PCOLCE2: variants seen among roughly 807,000 people sequenced by gnomAD.
PCOLCE2 encodes the protein procollagen C-endopeptidase enhancer 2, also known as procollagen C-proteinase enhancer 2.
PCOLCE2 carries 42 observed loss-of-function variants against 47.0 expected under a neutral mutation model. The ratio of observed to expected loss-of-function variants is 0.89; its 90% CI spans 0.70 to 1.16. The LOEUF is 1.16. Ranked by LOEUF, PCOLCE2 falls within the 50% of genes most tolerant of loss-of-function variation. PCOLCE2 has a pLI of 0.00. For synonymous variants in PCOLCE2, 169 were observed against 191.7 expected, an observed-to-expected ratio of 0.88 and a Z score of 0.98; for missense variants, 500 against 526.1, an observed-to-expected ratio of 0.95 and a Z score of 0.49.
chr3:142,856,524 C>T (rs1276380556), intron 2 of PCOLCE2, among the ~76,000 whole-genome samples: 1 of 152,162 alleles, frequency 6.6e-6, no homozygotes, highest in South Asian at 2.1e-4. Flanking sequence ...CGAACAGGCC[C>T]TTCGGCATTG....
chr3:142,830,305 T>C (rs935830477), intron 5 of PCOLCE2, among the ~76,000 whole-genome samples: 1 of 152,240 alleles, frequency 6.6e-6, no homozygotes, highest in Non-Finnish European at 1.5e-5. Flanking sequence ...GCGTTCAAGC[T>C]GGCCTGGGTT....
At chr3:142,879,686 T>C (rs1933564389) in intron 2 of PCOLCE2, among the ~76,000 whole-genome samples, 1 of 152,214 alleles carries the variant, frequency 6.6e-6, no homozygotes, top group Admixed American at 6.5e-5. Flanking sequence ...TTGTAAAGTT[T>C]TGGCCGGGCA....
At position 142,889,047 on chromosome 3, in the gene PCOLCE2, G is replaced by C; in HGVS notation, c.-151C>G. 2.7e-6 allele frequency: 1 copy of C among 364,180 alleles called. No homozygotes were observed. 22.6% of individuals were successfully genotyped at this position (364,180 alleles called of 1,614,324 possible). On this transcript the variant is annotated 5_prime_UTR_variant, in exon 1 of 9. Transcript: ENST00000295992. ...TGCCCGCGCGCTCCCTCTCACGCGC[G>C]CACCGCCGCGGGGCGGCCCAGGTAG...
chr3:142,887,190 A>G (rs1271679156), intron 2 of PCOLCE2: 1 of 152,474 alleles, frequency 6.6e-6, no homozygotes, highest in Admixed American at 6.5e-5. Flanking sequence ...CTGCCTTTAG[A>G]GGTGGTTTCA....
intron 2 of PCOLCE2, among the ~76,000 whole-genome samples, chr3:142,860,591 A>G (rs2108203462): frequency 1.3e-5 from 2 of 152,204 alleles, no homozygotes; most frequent in Middle Eastern, 6.8e-3. Flanking sequence ...TACTTTTACT[A>G]GAGACAAGGT....
chr3:142,846,715 CTCT>C (rs958942737), intron 3 of PCOLCE2: 3 of 152,148 alleles, frequency 2.0e-5, no homozygotes, highest in Admixed American at 2.0e-4. Flanking sequence ...AGTTCACTGA[CTCT>C]TTTTTTCTGC....
At chr3:142,862,026 C>T (rs942887333) in intron 2 of PCOLCE2, among the ~76,000 whole-genome samples, 4 of 152,190 alleles carry the variant, frequency 2.6e-5, no homozygotes, top group African/African-American at 9.7e-5. Context: ...ACCCTGTTTT[C>T]AGTGCCACAC....
Position 142,888,930 on chromosome 3 carries a change from G to C in PCOLCE2, c.-34C>G. The C allele has an allele frequency of 8.0e-7, 1 of 1,246,888 alleles. No homozygotes were observed. Among genetic ancestry groups the C allele is most frequent in the Admixed American group, 3.9e-5 (1 of 25,922 alleles). 77.2% of individuals were successfully genotyped at this position (1,246,888 alleles called of 1,614,324 possible). A position where few individuals can be genotyped will look rare whatever the true frequency, so the allele number is the denominator to read the frequency against. ...AGACGCTCGGGGTTTGCACCCCACG[G>C]CGCGCGCGCCGGCACACACGCCCCT... On this transcript the variant is annotated 5_prime_UTR_variant, in exon 1 of 9. Transcript: ENST00000295992.
At chr3:142,856,011 C>T (rs368204159) in intron 2 of PCOLCE2, among the ~76,000 whole-genome samples, 1 of 152,316 alleles carries the variant, frequency 6.6e-6, no homozygotes, top group East Asian at 1.9e-4. Flanking sequence ...TACCCAGCAC[C>T]TCTGTGGCAG....
At chr3:142,873,865 C>T (rs1933445679) in intron 2 of PCOLCE2, among the ~76,000 whole-genome samples, 1 of 152,132 alleles carries the variant, frequency 6.6e-6, no homozygotes, top group African/African-American at 2.4e-5. Context: ...AGGAAGAGAA[C>T]ATCTTTTTCA....
chr3:142,819,723 G>T, intron 8 of PCOLCE2, among the ~76,000 whole-genome samples: 1 of 152,116 alleles, frequency 6.6e-6, no homozygotes, highest in East Asian at 1.9e-4. Context: ...ATGACTCACT[G>T]CAGACTCGAC....
At chr3:142,840,651 C>T (rs1421978854) in intron 4 of PCOLCE2, among the ~76,000 whole-genome samples, 2 of 152,168 alleles carry the variant, frequency 1.3e-5, no homozygotes, top group Non-Finnish European at 2.9e-5. Flanking sequence ...GTGAATAATG[C>T]TTATTCATAC....
rs80184631 is a variant in PCOLCE2, at chr3:142,831,023, G to A, written c.711-1177C>T. Among the ~76,000 whole-genome samples, 227 of 152,304 alleles carry A rather than the reference G, an allele frequency of 1.5e-3. 4 individuals are homozygous for A. The East Asian group carries it at 0.039, about 26-fold the overall frequency. On this transcript the variant is annotated intron_variant, in intron 5 of 8. Coordinates refer to ENST00000295992, the MANE Select transcript of PCOLCE2 (RefSeq NM_013363.4). Reference sequence around the variant, plus strand: ...TTAGAAAAACTGCGTGATCTTTTCCGTCCTGAATATAACCTTCTGAGCCAG... The same window carrying A: ...TTAGAAAAACTGCGTGATCTTTTCCATCCTGAATATAACCTTCTGAGCCAG...
At chr3:142,844,548 T>C (rs1937303107) in intron 3 of PCOLCE2, among the ~76,000 whole-genome samples, 1 of 152,232 alleles carries the variant, frequency 6.6e-6, no homozygotes, top group African/African-American at 2.4e-5. Flanking sequence ...CTTTACATCT[T>C]TGCTACCACT....
chr3:142,861,901 C>T (rs1394009201), intron 2 of PCOLCE2, among the ~76,000 whole-genome samples: 2 of 152,228 alleles, frequency 1.3e-5, no homozygotes, highest in Non-Finnish European at 2.9e-5. Context: ...TTCATTTTCT[C>T]TAAGATTGTT....
At chr3:142,859,823 C>T (rs1329359075) in intron 2 of PCOLCE2, among the ~76,000 whole-genome samples, 2 of 152,222 alleles carry the variant, frequency 1.3e-5, no homozygotes, top group Non-Finnish European at 2.9e-5. Context: ...GCTGGGATTA[C>T]AGGCATGAGC....
chr3:142,872,095 T>G (rs976759795), intron 2 of PCOLCE2, among the ~76,000 whole-genome samples: 6 of 151,876 alleles, frequency 4.0e-5, no homozygotes, highest in African/African-American at 1.5e-4. Flanking sequence ...GGGAGGAGAG[T>G]CCAGTCAGGG....
intron 2 of PCOLCE2, among the ~76,000 whole-genome samples, chr3:142,885,381 A>G (rs1167132015): frequency 6.6e-6 from 1 of 152,212 alleles, no homozygotes; most frequent in African/African-American, 2.4e-5. Flanking sequence ...ATTTTAATAA[A>G]AGTGATACTG....
At chr3:142,832,434 C>T (rs1937160894) in intron 5 of PCOLCE2, among the ~76,000 whole-genome samples, 1 of 152,148 alleles carries the variant, frequency 6.6e-6, no homozygotes, top group South Asian at 2.1e-4. Context: ...GCAGAAATAA[C>T]ACACATCTCT....
Sources: allele counts gnomAD v4.1 joint callset (sites outside exome capture counted in the v4.1 genomes callset), GRCh38; gene constraint gnomAD v4.1.1; transcripts MANE v1.5; gene names NCBI Gene and HGNC (gene_info 2026-07-23, HGNC 2026-07-21).